The following RARB variants were observed in gnomAD, a reference collection of about 807,000 sequenced individuals.
RARB encodes retinoic acid receptor beta.
Under a neutral mutation model 51.9 loss-of-function variants are expected in RARB, and 17 were observed. The observed-to-expected ratio is 0.33, with a 90% CI of 0.22 to 0.49. The LOEUF is 0.49. Ranked by LOEUF, RARB falls within the 20% of genes least tolerant of loss-of-function variation. RARB has a pLI of 0.99. For missense variants in RARB, 369 were observed against 550.8 expected, an observed-to-expected ratio of 0.67 and a Z score of 3.30; for synonymous variants, 215 against 195.4, an observed-to-expected ratio of 1.10 and a Z score of -0.84.
chr3:25,344,703 G>A (rs34015957), intron 5 of RARB, among the ~76,000 whole-genome samples: 28,113 of 152,174 alleles, frequency 0.18, 3,317 homozygotes, highest in Admixed American at 0.31. Flanking sequence ...ACTTTGGTCT[G>A]TAAAGTATTA....
In RARB at chr3:25,014,773, A is replaced by G. The variant is rs372074014; in HGVS notation, c.-379-45352A>G. Among the ~76,000 whole-genome samples, 28 of 152,232 alleles carry G rather than the reference A, an allele frequency of 1.8e-4. No homozygotes were observed. In the East Asian group the frequency reaches 2.9e-3, roughly 16 times the overall value. On this transcript the variant is annotated intron_variant, in intron 2 of 11. Transcript: ENST00000383772. ...AGAGAGTGAGATGGACACTACTAGC[A>G]ACAATAGGATTGATAATAGGGGCTG...
At chr3:25,220,243 GA>G (rs1314619496) in intron 5 of RARB, among the ~76,000 whole-genome samples, 7 of 152,132 alleles carry the variant, frequency 4.6e-5, no homozygotes, top group Non-Finnish European at 1.0e-4. Flanking sequence ...ACAAGTAATA[GA>G]AAATTTCCTT....
intron 5 of RARB, among the ~76,000 whole-genome samples, chr3:25,359,964 G>A (rs1482736015): frequency 6.6e-6 from 1 of 152,172 alleles, no homozygotes; most frequent in African/African-American, 2.4e-5. Flanking sequence ...GATTTGAGGT[G>A]GAGAATTCCA....
intron 1 of RARB, among the ~76,000 whole-genome samples, chr3:24,858,228 T>G (rs79831797): frequency 6.0e-5 from 9 of 149,482 alleles, no homozygotes; most frequent in Non-Finnish European, 1.2e-4. Context: ...TTACAACATG[T>G]TTTTTTTTTC....
At chr3:25,232,628 T>C (rs1467893238) in intron 5 of RARB, among the ~76,000 whole-genome samples, 1 of 152,196 alleles carries the variant, frequency 6.6e-6, no homozygotes, top group East Asian at 1.9e-4. Context: ...CTATTATAAA[T>C]GGTACTTTTT....
intron 5 of RARB, among the ~76,000 whole-genome samples, chr3:25,184,704 C>T: frequency 6.6e-6 from 1 of 152,090 alleles, no homozygotes; most frequent in African/African-American, 2.4e-5. Context: ...TCAATTGATA[C>T]ATGTAAGCTA....
chr3:24,848,598 C>T (rs1360611135), intron 1 of RARB, among the ~76,000 whole-genome samples: 1 of 152,176 alleles, frequency 6.6e-6, no homozygotes, highest in East Asian at 1.9e-4. Flanking sequence ...ACGAAGGGTA[C>T]CTCTGTCCTT....
intron 4 of RARB, among the ~76,000 whole-genome samples, chr3:25,572,499 G>T (rs1236260349): frequency 6.6e-6 from 1 of 152,098 alleles, no homozygotes; most frequent in Non-Finnish European, 1.5e-5. Flanking sequence ...TCAACAAGTG[G>T]TCAGAGGTGA....
chr3:25,093,863 C>A (rs987687476), intron 3 of RARB, among the ~76,000 whole-genome samples: 3 of 152,174 alleles, frequency 2.0e-5, no homozygotes, highest in Non-Finnish European at 4.4e-5. Flanking sequence ...TGCCTAGCCA[C>A]CCCTTTCTCT....
In RARB at chr3:25,364,799, C is replaced by A. The variant is rs181261786; in HGVS notation, c.179-96394C>A. Among the ~76,000 whole-genome samples the A allele has an allele frequency of 1.9e-3, 285 of 152,300 alleles. 2 individuals carry two copies. Among genetic ancestry groups the A allele is most frequent in the African/African-American group, 6.6e-3 (274 of 41,578 alleles). On this transcript the variant is annotated intron_variant, in intron 5 of 11. Transcript: ENST00000383772. ...ACTTTGCACAATTTATTTCTGTCTT[C>A]CTTTGCCTTTTAAACATGTGAAACG...
At chr3:25,289,169 A>ATGGGTGAATG (rs1192064185) in intron 5 of RARB, among the ~76,000 whole-genome samples, 1 of 152,230 alleles carries the variant, frequency 6.6e-6, no homozygotes, top group East Asian at 1.9e-4. Flanking sequence ...CACCCACTGT[A>ATGGGTGAATG]GGCTGTGGTA....
intron 5 of RARB, among the ~76,000 whole-genome samples, chr3:25,179,513 C>A (rs1430666191): frequency 6.6e-6 from 1 of 152,098 alleles, no homozygotes; most frequent in African/African-American, 2.4e-5. Flanking sequence ...ATAATAGTAT[C>A]ATTTATATCT....
In RARB at chr3:24,902,000, T is replaced by C. The variant is rs145718400; in HGVS notation, c.-380+43248T>C. Among the ~76,000 whole-genome samples, 365 of 151,140 alleles carry C rather than the reference T, an allele frequency of 2.4e-3. 10 individuals carry two copies. In the East Asian group the frequency reaches 0.061, roughly 25 times the overall value. On this transcript the variant is annotated intron_variant, in intron 2 of 11. Transcript: ENST00000383772. ...CTAATATAGCAATATATATAAAATA[T>C]AAATATATATAACATACATATATAA...
At chr3:25,317,972 G>A (rs1241099515) in intron 5 of RARB, among the ~76,000 whole-genome samples, 1 of 152,120 alleles carries the variant, frequency 6.6e-6, no homozygotes, top group African/African-American at 2.4e-5. Context: ...AGACACTGCT[G>A]TTGTTGGAAA....
intron 5 of RARB, among the ~76,000 whole-genome samples, chr3:25,288,920 A>G (rs1703718454): frequency 6.6e-6 from 1 of 152,186 alleles, no homozygotes. Flanking sequence ...AAAAGGCAGA[A>G]GACCTCTACT....
chr3:25,292,726 G>C (rs1383252466), intron 5 of RARB, among the ~76,000 whole-genome samples: 2 of 152,112 alleles, frequency 1.3e-5, no homozygotes, highest in Non-Finnish European at 2.9e-5. Flanking sequence ...ATGGTCAGCT[G>C]TCCCCACTGG....
chr3:25,374,513 G>A (rs958481682), intron 5 of RARB, among the ~76,000 whole-genome samples: 2 of 152,102 alleles, frequency 1.3e-5, no homozygotes, highest in Non-Finnish European at 2.9e-5. Flanking sequence ...GAGTATAAGG[G>A]TGAGCTACCC....
intron 2 of RARB, among the ~76,000 whole-genome samples, chr3:24,873,391 A>G (rs1702982774): frequency 6.6e-6 from 1 of 152,076 alleles, no homozygotes; most frequent in Admixed American, 6.5e-5. Flanking sequence ...TTTATATTTA[A>G]ATTGTTAACA....
intron 2 of RARB, among the ~76,000 whole-genome samples, chr3:25,019,913 A>G (rs572067844): frequency 3.3e-5 from 5 of 151,864 alleles, no homozygotes; most frequent in Non-Finnish European, 5.9e-5. Context: ...GAGACTCTCA[A>G]CTCTCAGCCC....
Sources: gnomAD v4.1 joint callset for allele counts (sites outside exome capture counted in the v4.1 genomes callset) on GRCh38, gnomAD v4.1.1 for gene constraint, MANE v1.5 for transcripts, NCBI Gene and HGNC (gene_info 2026-07-23, HGNC 2026-07-21) for gene names.